LRSAM1: variants seen among roughly 807,000 people sequenced by gnomAD.
LRSAM1 encodes leucine rich repeat and sterile alpha motif containing 1.
LRSAM1 carries 96 observed loss-of-function variants against 118.1 expected under a neutral mutation model. The ratio of observed to expected loss-of-function variants is 0.81; its 90% confidence interval spans 0.69 to 0.96. The LOEUF (loss-of-function observed/expected upper bound fraction) is 0.96, where lower values mean the gene tolerates loss of function less well. LRSAM1 is among the 40% of genes least tolerant of loss of function. The pLI is 0.00. For synonymous variants in LRSAM1, 322 were observed against 364.2 expected, an observed-to-expected ratio of 0.88 and a Z score of 1.32; for missense variants, 804 against 915.5, an observed-to-expected ratio of 0.88 and a Z score of 1.57.
At position 127,485,557 on chromosome 9, in the gene LRSAM1, A is replaced by AAAAAC. The variant is rs1309109863; in HGVS notation, c.1160-164_1160-160dup. Among the ~76,000 whole-genome samples, 64 of 152,288 alleles carry AAAAAC rather than the reference A, an allele frequency of 4.2e-4. 1 individual carries two copies. The East Asian group carries it at 0.011, about 27-fold the overall frequency. The stretch of plus-strand genomic sequence containing the variant: ...GGTGACAGAGTGAGACTGCATCTCA[A>AAAAAC]AAAACAAAACAAAACAAAAAGGAAC... On this transcript the variant is annotated intron_variant, in intron 16 of 25. Transcript: ENST00000300417.
rs200731968 is a variant in LRSAM1 at position 127,457,441 on chromosome 9, C to G, written c.252+48C>G. 29 of 1,581,530 alleles carry G rather than the reference C, an allele frequency of 1.8e-5. No individual in the cohort carries two copies. The African/African-American group carries it at 3.1e-4, about 17-fold the overall frequency. ...AGCTGGGGCTCTGCATGGGGTTCCA[C>G]GCGGCAGCTGAGCGCCTGCTCCTTT... On this transcript the variant is annotated intron_variant, in intron 6 of 25. Transcript: ENST00000300417.
At chr9:127,490,268 TTCTTTC>T (rs1835887672) in intron 19 of LRSAM1, among the ~76,000 whole-genome samples, 1 of 152,152 alleles carries the variant, frequency 6.6e-6, no homozygotes, top group Non-Finnish European at 1.5e-5. Flanking sequence ...CTTTCTTTCT[TTCTTTC>T]TTTTTTTGGA....
chr9:127,492,656 C>G, intron 20 of LRSAM1, 146 bp from the exon 21 acceptor site: 1 of 739,164 alleles, frequency 1.4e-6, no homozygotes, highest in South Asian at 1.5e-5. Flanking sequence ...GCAGAAGGGC[C>G]TCTTAGCTTT....
chr9:127,468,167 T>C (rs1835030634), intron 10 of LRSAM1, among the ~76,000 whole-genome samples: 1 of 151,868 alleles, frequency 6.6e-6, no homozygotes, highest in African/African-American at 2.4e-5. Flanking sequence ...GGAAGGGCCT[T>C]GATGGGAAGT....
chr9:127,498,900 A>C (rs1157644375), intron 24 of LRSAM1, among the ~76,000 whole-genome samples: 2 of 151,702 alleles, frequency 1.3e-5, no homozygotes, highest in African/African-American at 4.8e-5. Flanking sequence ...CTCTACTAAA[A>C]ATACAAAAAT....
rs113869335 is a variant in LRSAM1, at chr9:127,457,324, C to T, written c.183C>T (p.Ile61=). ...TCKVLQKKVL[I]VHTNHLTSLL... ...CACATCTCTCCACACAGGTGCTGAT[C>T]GTCCACACGAATCACCTCACTTCCC... Residue 61 remains isoleucine (I), a synonymous_variant, in exon 6 of 26, where the codon ATC becomes ATT. Transcript: ENST00000300417. The T allele has an allele frequency of 3.7e-6, 6 of 1,614,158 alleles. No individual in the cohort carries two copies. In the Admixed American group the frequency reaches 5.0e-5, roughly 13 times the overall value.
At chr9:127,466,719 A>C (rs909008874) in intron 9 of LRSAM1, among the ~76,000 whole-genome samples, 1 of 151,474 alleles carries the variant, frequency 6.6e-6, no homozygotes, top group Non-Finnish European at 1.5e-5. Context: ...TATTTATCCA[A>C]AGTGAACTGA....
At chr9:127,481,254 C>CTTT in intron 15 of LRSAM1, 27 bp downstream of exon 15, 1 of 1,564,674 alleles carries the variant, frequency 6.4e-7, no homozygotes, top group African/African-American at 1.4e-5. Context: ...GGGAGGGCAG[C>CTTT]ATTTTTTTTT....
chr9:127,471,942 T>C (rs1327137659), intron 10 of LRSAM1, among the ~76,000 whole-genome samples: 1 of 151,464 alleles, frequency 6.6e-6, no homozygotes, highest in Non-Finnish European at 1.5e-5. Context: ...GCATTACAAG[T>C]GTGAGCCACC....
Position 127,485,753 on chromosome 9 carries a change from C to G in LRSAM1, c.1177C>G (p.Leu393Val). The G allele has an allele frequency of 6.2e-7, 1 of 1,614,120 alleles. No homozygotes were observed. Among genetic ancestry groups the G allele is most frequent in the Non-Finnish European group, 8.5e-7 (1 of 1,180,024 alleles). Residue 393 changes from leucine (L) to valine (V), a missense_variant, in exon 17 of 26, where the codon CTG becomes GTG. Leu to Val is a conservative substitution (Grantham distance 32). Transcript: ENST00000300417. ...RDVASAMQQM[L>V]TESCKNRLIQ... ...TCCCACAGCCGCCATGCAGCAGATG[C>G]TGACTGAGAGCTGTAAGAACCGGCT...
chr9:127,488,908 C>A (rs535593496), intron 18 of LRSAM1, among the ~76,000 whole-genome samples: 1 of 152,128 alleles, frequency 6.6e-6, no homozygotes, highest in Admixed American at 6.6e-5. Context: ...CCTGCAGCCC[C>A]GTGGGAGTCT....
rs563842364 is a variant in LRSAM1, at chr9:127,500,358, C to CAAA, written c.1913-637_1913-635dup. Among the ~76,000 whole-genome samples, 279 of 93,538 alleles carry CAAA rather than the reference C, an allele frequency of 3.0e-3. 21 individuals carry two copies. Among genetic ancestry groups the CAAA allele is most frequent in the African/African-American group, 0.01 (257 of 24,654 alleles). 61.4% of individuals were successfully genotyped at this position (93,538 alleles called of 152,430 possible). ...CCTGGGTGACAGAGCGAGACTGTCT[C>CAAA]AAAAAAAAAAAAAAAAAGAGACTTA... On this transcript the variant is annotated intron_variant, in intron 24 of 25. Transcript: ENST00000300417.
intron 2 of LRSAM1, chr9:127,454,125 A>G: frequency 3.0e-6 from 1 of 337,304 alleles, no homozygotes; most frequent in Non-Finnish European, 5.7e-6. Flanking sequence ...CACTAGAAAG[A>G]CGCAGCCCCT....
intron 19 of LRSAM1, among the ~76,000 whole-genome samples, chr9:127,490,401 G>C (rs1835893265): frequency 6.6e-6 from 1 of 152,046 alleles, no homozygotes; most frequent in Non-Finnish European, 1.5e-5. Context: ...AGGGTCACAG[G>C]GTCATGGGCA....
At chr9:127,497,853 A>G (rs1491000595) in intron 24 of LRSAM1, among the ~76,000 whole-genome samples, 1 of 152,232 alleles carries the variant, frequency 6.6e-6, no homozygotes, top group Non-Finnish European at 1.5e-5. Context: ...GCACCTGCCC[A>G]CCGCTGTGCA....
intron 18 of LRSAM1, 147 bp from the exon 19 acceptor site, chr9:127,489,297 C>T (rs1357267756): frequency 7.4e-6 from 7 of 949,214 alleles, no homozygotes; most frequent in Middle Eastern, 2.1e-4. Flanking sequence ...TTAAGGTTTA[C>T]ACAAGTGAGG....
intron 2 of LRSAM1, chr9:127,454,141 C>T (rs1378221695): frequency 5.7e-6 from 2 of 352,780 alleles, no homozygotes; most frequent in South Asian, 4.6e-5. Flanking sequence ...CCCCTGCCCC[C>T]GTGGAACTCA....
chr9:127,492,401 G>A (rs4836563), intron 20 of LRSAM1, among the ~76,000 whole-genome samples: 17,260 of 152,204 alleles, frequency 0.11, 1,469 homozygotes, highest in Admixed American at 0.28. Context: ...AAGAGCAGGC[G>A]CAGGAGTGAA....
chr9:127,478,841 A>G (rs1156732403), intron 11 of LRSAM1, 93 bp from the exon 12 acceptor site: 27 of 1,293,042 alleles, frequency 2.1e-5, no homozygotes, highest in Non-Finnish European at 2.9e-5. Flanking sequence ...CAGAGTTTGT[A>G]TAACATCAGG....
Sources: allele counts gnomAD v4.1 joint callset (sites outside exome capture counted in the v4.1 genomes callset), GRCh38; gene constraint gnomAD v4.1.1; transcripts MANE v1.5; gene names NCBI Gene and HGNC (gene_info 2026-07-23, HGNC 2026-07-21).